CCDC169: variants seen among roughly 807,000 people sequenced by gnomAD.
CCDC169 encodes the protein coiled-coil domain containing 169.
A neutral mutation model predicts 36.0 loss-of-function variants in CCDC169; 30 were observed. That is an observed-to-expected ratio of 0.83 (90% CI 0.62 to 1.13). CCDC169 has a LOEUF of 1.13. Among genes scored for constraint, CCDC169 ranks in the 50% most tolerant of loss-of-function variants. CCDC169 has a pLI of 0.00. For synonymous variants in CCDC169, 85 were observed against 81.5 expected (o/e 1.04, Z -0.23); for missense variants, 245 against 245.9 (o/e 1.00, Z 0.03).
chr13:36,236,055 T>C (rs1020514014), intron 7 of CCDC169, among the ~76,000 whole-genome samples: 2 of 151,994 alleles, frequency 1.3e-5, no homozygotes, highest in Admixed American at 6.6e-5. Context: ...AGACTTAATA[T>C]TGTTAAGATG....
rs1035669619 is a variant in CCDC169 at position 36,285,586 on chromosome 13, G to A, written c.164-1884C>T. ...AATTTTTCTCAAAAAAATAAAATAA[G>A]ATAGATAGATAGATAGATAGATAGA... is the stretch of plus-strand genomic sequence containing the variant. On this transcript the variant is annotated intron_variant, in intron 2 of 7. Coordinates refer to ENST00000239859, the MANE Select transcript of CCDC169 (RefSeq NM_001144981.3). Among the ~76,000 whole-genome samples the A allele has an allele frequency of 2.1e-4, 27 of 130,966 alleles. 1 individual carries two copies. The allele number at this position is 130,966 out of a possible 152,430, so 85.9% of individuals were successfully genotyped here.
intron 7 of CCDC169, among the ~76,000 whole-genome samples, chr13:36,239,614 G>C (rs1871519246): frequency 6.6e-6 from 1 of 151,908 alleles, no homozygotes; most frequent in Non-Finnish European, 1.5e-5. Context: ...GTTGAATTAG[G>C]GATTTTTAAA....
intron 6 of CCDC169, among the ~76,000 whole-genome samples, chr13:36,253,475 T>G (rs1873432526): frequency 6.6e-6 from 1 of 151,430 alleles, no homozygotes; most frequent in South Asian, 2.1e-4. Context: ...TAGCTGGGAC[T>G]ACAGGCGCCC....
chr13:36,230,869 A>T lies in CCDC169; in HGVS notation c.*324T>A, dbSNP rs1471297839. ...GAATACACACTTTTTGCTAACAGTCAACTAGAAACCAAATAGAATAGCAAC... is the reference window on the plus strand; with the variant it reads ...GAATACACACTTTTTGCTAACAGTCTACTAGAAACCAAATAGAATAGCAAC... On this transcript the variant is annotated 3_prime_UTR_variant, in exon 8 of 8. Coordinates refer to ENST00000239859, the MANE Select transcript of CCDC169 (RefSeq NM_001144981.3). 1 of 1,011,658 alleles carries T rather than the reference A, an allele frequency of 9.9e-7. No homozygotes were observed. The highest frequency in any genetic ancestry group is 1.2e-6 in the Non-Finnish European group (1 of 847,958). 62.7% of individuals were successfully genotyped at this position (1,011,658 alleles called of 1,614,324 possible).
intron 7 of CCDC169, among the ~76,000 whole-genome samples, chr13:36,238,235 G>A (rs899887593): frequency 3.3e-5 from 5 of 152,048 alleles, no homozygotes; most frequent in African/African-American, 7.2e-5. Flanking sequence ...ATGAATATAC[G>A]AAAAATCACT....
intron 7 of CCDC169, among the ~76,000 whole-genome samples, chr13:36,244,182 G>A (rs1448066508): frequency 1.3e-5 from 2 of 152,078 alleles, no homozygotes; most frequent in Admixed American, 6.5e-5. Flanking sequence ...GCCCACTTGC[G>A]AGGTTGGCCC....
chr13:36,227,459 C>T, downstream of CCDC169: 1 of 1,366,600 alleles, frequency 7.3e-7, no homozygotes, highest in South Asian at 2.1e-5. Flanking sequence ...ATATTCCAAC[C>T]AGTTTATTGT....
intron 2 of CCDC169, among the ~76,000 whole-genome samples, chr13:36,292,083 G>A (rs1204915952): frequency 1.3e-5 from 2 of 151,532 alleles, no homozygotes; most frequent in Non-Finnish European, 1.5e-5. Flanking sequence ...CTACCTCCCG[G>A]TTCAATCGAT....
At chr13:36,285,658 G>A (rs879527408) in intron 2 of CCDC169, among the ~76,000 whole-genome samples, 1 of 151,752 alleles carries the variant, frequency 6.6e-6, no homozygotes, top group Non-Finnish European at 1.5e-5. Context: ...TAGATAGATA[G>A]ACCGACCTAT....
At chr13:36,226,743 T>C (rs1487576481), downstream of CCDC169, 3 of 178,738 alleles carry the variant, frequency 1.7e-5, no homozygotes, top group African/African-American at 4.7e-5. Context: ...AGCCAAACAC[T>C]GGGTACTCAT....
chr13:36,239,248 G>GAAAA (rs56690598), intron 7 of CCDC169, among the ~76,000 whole-genome samples: 1 of 147,370 alleles, frequency 6.8e-6, no homozygotes, highest in African/African-American at 2.5e-5. Context: ...TTAAAAAAAA[G>GAAAA]AAAAAAAAAA....
rs567247437 is a variant in CCDC169 at position 36,261,758 on chromosome 13, G to A, written c.316-7615C>T. On this transcript the variant is annotated intron_variant, in intron 4 of 7. Coordinates refer to ENST00000239859, the MANE Select transcript of CCDC169 (RefSeq NM_001144981.3). ...AAGATAACATGTGCCTGTTCCGTAG[G>A]AAAGCTGTATTCTTTATGATTAGAC... 3.3e-5 allele frequency among the ~76,000 whole-genome samples: 5 copies of A among 152,282 alleles called. No homozygotes were observed. In the East Asian group the frequency reaches 9.6e-4, roughly 29 times the overall value.
intron 2 of CCDC169, 103 bp downstream of exon 2, chr13:36,295,675 T>C (rs1017025467): frequency 3.6e-5 from 20 of 559,866 alleles, no homozygotes; most frequent in Non-Finnish European, 4.9e-5. Context: ...ACTGAAATGT[T>C]GGTACTATTA....
chr13:36,258,698 TC>T (rs1874230860), intron 4 of CCDC169, among the ~76,000 whole-genome samples: 1 of 151,954 alleles, frequency 6.6e-6, no homozygotes, highest in Non-Finnish European at 1.5e-5. Flanking sequence ...AATAATCCAC[TC>T]CTTTAGCATA....
At chr13:36,233,004 G>T (rs1401819315) in intron 7 of CCDC169, among the ~76,000 whole-genome samples, 1 of 152,152 alleles carries the variant, frequency 6.6e-6, no homozygotes. Flanking sequence ...CTCAGGAAAG[G>T]CCTGAAAAGG....
intron 6 of CCDC169, 65 bp from the exon 7 acceptor site, chr13:36,248,747 C>G: frequency 2.1e-6 from 3 of 1,404,028 alleles, no homozygotes; most frequent in Non-Finnish European, 2.9e-6. Context: ...ATAAGAGAGA[C>G]AGTCAATTCT....
intron 4 of CCDC169, among the ~76,000 whole-genome samples, chr13:36,258,325 C>T (rs1382978374): frequency 2.0e-5 from 3 of 152,150 alleles, no homozygotes; most frequent in Admixed American, 6.5e-5. Flanking sequence ...AACAGAGCAA[C>T]TCCATCTTGA....
At position 36,297,807 on chromosome 13, in the gene CCDC169, G is replaced by T; in HGVS notation, c.-88C>A. 2 of 1,299,952 alleles carry T rather than the reference G, an allele frequency of 1.5e-6. No individual in the cohort carries two copies. The highest frequency in any genetic ancestry group is 2.5e-5 in the South Asian group (2 of 78,908). 80.5% of individuals were successfully genotyped at this position (1,299,952 alleles called of 1,614,324 possible). ...GGCCACCCAGAAGCCAGTACGGCACGAGGCGGTGAACCCCAACCGCCCCCC... is the reference window on the plus strand; with the variant it reads ...GGCCACCCAGAAGCCAGTACGGCACTAGGCGGTGAACCCCAACCGCCCCCC... On this transcript the variant is annotated 5_prime_UTR_variant, in exon 1 of 8. Transcript: ENST00000239859.
intron 7 of CCDC169, among the ~76,000 whole-genome samples, chr13:36,232,923 C>G (rs1476887772): frequency 6.6e-6 from 1 of 151,956 alleles, no homozygotes; most frequent in African/African-American, 2.4e-5. Flanking sequence ...TAATAAGCTC[C>G]ATTATATTTC....
Sources: allele counts gnomAD v4.1 joint callset (sites outside exome capture counted in the v4.1 genomes callset), GRCh38; gene constraint gnomAD v4.1.1; transcripts MANE v1.5; gene names NCBI Gene and HGNC (gene_info 2026-07-23, HGNC 2026-07-21).